Variants in FGR observed in about 807,000 individuals in gnomAD.
The protein encoded by FGR is FGR proto-oncogene, Src family tyrosine kinase.
FGR carries 26 observed loss-of-function variants against 63.2 expected under a neutral mutation model. The ratio of observed to expected loss-of-function variants is 0.41; its 90% CI spans 0.30 to 0.57. FGR has a LOEUF of 0.57. FGR is among the 20% of genes least tolerant of loss of function. FGR has a pLI of 0.27. For synonymous variants in FGR, 286 were observed against 277.7 expected, an observed-to-expected ratio of 1.03 and a Z score of -0.30; for missense variants, 511 against 690.8, an observed-to-expected ratio of 0.74 and a Z score of 2.92.
At chr1:27,633,660 G>A (rs550950994) in intron 1 of FGR, among the ~76,000 whole-genome samples, 33 of 152,242 alleles carry the variant, frequency 2.2e-4, no homozygotes, top group Non-Finnish European at 3.7e-4. Context: ...GCGATCCTCC[G>A]GCCTCAGCCT....
chr1:27,615,664 G>C lies in FGR; in HGVS notation c.838+25C>G. 1.3e-6 allele frequency: 2 copies of C among 1,592,498 alleles called. No individual in the cohort carries two copies. The highest frequency in any genetic ancestry group is 1.7e-6 in the Non-Finnish European group (2 of 1,163,628). On this transcript the variant is annotated intron_variant, in intron 8 of 12. Transcript: ENST00000374005. This position sits in a 1 kb window ranked among gnomAD's most constrained non-coding sequence, Gnocchi z 7.6. Reference sequence around the variant, plus strand: ...CCCTCTCCCCCGAGCCCAGGCCCTCGTCCCGGCCCCCGGGAGCTCCGTACC... The same window carrying C: ...CCCTCTCCCCCGAGCCCAGGCCCTCCTCCCGGCCCCCGGGAGCTCCGTACC...
chr1:27,626,061 C>T, intron 1 of FGR: 2 of 398,818 alleles, frequency 5.0e-6, no homozygotes, highest in Non-Finnish European at 8.8e-6. Flanking sequence ...GAGCTCTCCT[C>T]CTATCCCCAT....
intron 10 of FGR, 57 bp from the exon 11 acceptor site, chr1:27,614,640 C>T: frequency 6.3e-7 from 1 of 1,591,928 alleles, no homozygotes; most frequent in Non-Finnish European, 8.6e-7. Flanking sequence ...ACACCGTGGC[C>T]TGTTTGAGGG....
At chr1:27,619,016 T>C (rs1042159439) in intron 5 of FGR, among the ~76,000 whole-genome samples, 1 of 152,112 alleles carries the variant, frequency 6.6e-6, no homozygotes, top group Non-Finnish European at 1.5e-5. Context: ...TCTTGTTTCC[T>C]GAAGCTTCTC....
intron 5 of FGR, among the ~76,000 whole-genome samples, chr1:27,618,062 C>A (rs997779306): frequency 1.7e-4 from 26 of 152,088 alleles, no homozygotes; most frequent in Admixed American, 1.6e-3. Context: ...ATTAAAGGAG[C>A]CTCGTGTTTT....
At chr1:27,632,200 G>A (rs1440971173) in intron 1 of FGR, among the ~76,000 whole-genome samples, 3 of 149,618 alleles carry the variant, frequency 2.0e-5, no homozygotes, top group African/African-American at 7.5e-5. Flanking sequence ...GCGATGGTTC[G>A]ATCTCGGCTC....
At chr1:27,629,629 T>C (rs143525701) in intron 1 of FGR, among the ~76,000 whole-genome samples, 2,800 of 152,332 alleles carry the variant, frequency 0.018, 37 homozygotes, top group Non-Finnish European at 0.028. Flanking sequence ...CTGATCTCTA[T>C]GTGCCACCAA....
chr1:27,634,894 C>T (rs2090157288), intron 1 of FGR, among the ~76,000 whole-genome samples, 171 bp downstream of exon 1: 1 of 152,208 alleles, frequency 6.6e-6, no homozygotes, highest in African/African-American at 2.4e-5. Context: ...CGCCCGTTTT[C>T]CTCCTTAGGC....
At position 27,615,745 on chromosome 1, in the gene FGR, C is replaced by A; in HGVS notation, c.782G>T (p.Ser261Ile). The A allele has an allele frequency of 6.2e-7, 1 of 1,609,172 alleles. No homozygotes were observed. The highest frequency in any genetic ancestry group is 1.3e-5 in the African/African-American group (1 of 74,864). The change falls in exon 8 of 13, where the codon AGC becomes ATC. Residue 261 changes from serine (S) to isoleucine (I), a missense_variant. Ser to Ile is a moderately radical substitution (Grantham distance 142, BLOSUM62 -2). Coordinates refer to ENST00000374005, the MANE Select transcript of FGR (RefSeq NM_005248.3). This position sits in a 1 kb window ranked among gnomAD's most constrained non-coding sequence, Gnocchi z 7.6. The stretch of plus-strand genomic sequence containing the variant: ...CAGCCGGCGCTCCAGCGTGATGGAG[C>A]TGCGGCTGATCTCCCAGGCGTCCTT... ...LAKDAWEISR[S>I]SITLERRLGT...
intron 9 of FGR, 31 bp from the exon 10 acceptor site, chr1:27,614,957 G>A: frequency 6.4e-7 from 1 of 1,557,570 alleles, no homozygotes. Flanking sequence ...CAGCGGCAAA[G>A]CCCTACCCCG....
intron 5 of FGR, among the ~76,000 whole-genome samples, chr1:27,619,572 G>T (rs2089882720): frequency 6.6e-6 from 1 of 152,186 alleles, no homozygotes; most frequent in South Asian, 2.1e-4. Context: ...CTCTGCAAGG[G>T]CCACAGCAAA....
intron 2 of FGR, chr1:27,624,187 T>C: frequency 2.3e-6 from 1 of 436,278 alleles, no homozygotes; most frequent in Non-Finnish European, 4.1e-6. Flanking sequence ...GCTTTCTACA[T>C]TGGGATATTG....
At chr1:27,634,444 G>A (rs1557743494) in intron 1 of FGR, among the ~76,000 whole-genome samples, 1 of 152,118 alleles carries the variant, frequency 6.6e-6, no homozygotes, top group African/African-American at 2.4e-5. Flanking sequence ...AGAGGGTCGC[G>A]GGGCCGCGGT....
chr1:27,627,197 C>G (rs906176187), intron 1 of FGR, among the ~76,000 whole-genome samples: 7 of 151,876 alleles, frequency 4.6e-5, no homozygotes, highest in South Asian at 2.1e-4. Flanking sequence ...ACAGAAAAAC[C>G]AAGGGTGAGA....
At chr1:27,613,692 CTCAAAAA>C (rs2089741971) in intron 11 of FGR, among the ~76,000 whole-genome samples, 1 of 92,972 alleles carries the variant, frequency 1.1e-5, no homozygotes. Flanking sequence ...GAGACTCCAT[CTCAAAAA>C]AAAAAAAAAA....
rs1213713059 is a variant in FGR at position 27,617,198 on chromosome 1, G to A, written c.527C>T (p.Thr176Ile). The change falls in exon 6 of 13, where the codon ACC becomes ATC. Residue 176 changes from threonine to isoleucine, a missense_variant. By Grantham distance (89) the Thr-to-Ile change is moderately conservative. Transcript: ENST00000374005. This position sits in a 1 kb window ranked among gnomAD's most constrained non-coding sequence, Gnocchi z 4.5. ...GAFLIRESET[T>I]KGAYSLSIRD... is the part of the protein sequence containing the mutation. ...GGGCGTGGCACCACCCCTACCTTTG[G>A]TGGTCTCGCTTTCCCGAATGAGAAA... is the stretch of plus-strand genomic sequence containing the variant. 8.7e-6 allele frequency: 14 copies of A among 1,613,994 alleles called. No homozygotes were observed. Among genetic ancestry groups the A allele is most frequent in the Non-Finnish European group, 1.1e-5 (13 of 1,179,866 alleles).
chr1:27,618,586 T>C (rs1170856498), intron 5 of FGR, among the ~76,000 whole-genome samples: 1 of 152,194 alleles, frequency 6.6e-6, no homozygotes, highest in South Asian at 2.1e-4. Context: ...ACAAACCTCC[T>C]GTCCTCTGCA....
chr1:27,626,236 C>T (rs2090020294), intron 1 of FGR: 3 of 398,698 alleles, frequency 7.5e-6, no homozygotes, highest in Non-Finnish European at 1.3e-5. Flanking sequence ...TTGCAACACT[C>T]AGAGAGGAAC....
chr1:27,623,049 T>G lies in FGR; in HGVS notation c.322A>C (p.Asn108His). Residue 108 changes from asparagine (N) to histidine (H), a missense_variant, in exon 4 of 13, where the codon AAC becomes CAC. Transcript: ENST00000374005. ...GGTGGCCTGGTCACTTACGTATTGTTCAGGATGTGGAACTTCTCGCCCTTG... is the reference window on the plus strand; with the variant it reads ...GGTGGCCTGGTCACTTACGTATTGTGCAGGATGTGGAACTTCTCGCCCTTG... ...FTKGEKFHIL[N>H]NTEGDWWEAR... The G allele has an allele frequency of 6.2e-7, 1 of 1,612,924 alleles. No homozygotes were observed. Among genetic ancestry groups the G allele is most frequent in the Non-Finnish European group, 8.5e-7 (1 of 1,178,852 alleles).
Sources: allele counts gnomAD v4.1 joint callset (sites outside exome capture counted in the v4.1 genomes callset), GRCh38; gene constraint gnomAD v4.1.1; non-coding constraint Gnocchi (gnomAD v3.1); transcripts MANE v1.5; gene names NCBI Gene and HGNC (gene_info 2026-07-23, HGNC 2026-07-21).